The following CNTNAP2 variants were observed in gnomAD, a reference collection of about 807,000 sequenced individuals.
CNTNAP2 encodes the protein contactin associated protein 2, also known as contactin-associated protein-like 2.
In CNTNAP2, 98 loss-of-function variants were observed where a neutral mutation model predicts 155.2. The observed-to-expected ratio is 0.63, with a 90% confidence interval of 0.54 to 0.75. The LOEUF (loss-of-function observed/expected upper bound fraction) is 0.75. Ranked by LOEUF, CNTNAP2 falls within the 30% of genes least tolerant of loss-of-function variation. The pLI is 0.00. For missense variants in CNTNAP2, 1,727 were observed against 1,688.1 expected, an observed-to-expected ratio of 1.02 and a Z score of -0.40; for synonymous variants, 651 against 631.2, an observed-to-expected ratio of 1.03 and a Z score of -0.47.
intron 1 of CNTNAP2, among the ~76,000 whole-genome samples, chr7:146,558,078 T>C (rs1445871243): frequency 1.3e-5 from 2 of 152,166 alleles, no homozygotes. Flanking sequence ...TAGACAGACA[T>C]GACAGTTTTC....
At chr7:148,201,918 T>C (rs1562993075) in intron 18 of CNTNAP2, among the ~76,000 whole-genome samples, 1 of 151,856 alleles carries the variant, frequency 6.6e-6, no homozygotes, top group Non-Finnish European at 1.5e-5. Flanking sequence ...AGTAAACAAA[T>C]TGACGCACAC....
intron 8 of CNTNAP2, among the ~76,000 whole-genome samples, chr7:147,134,727 G>A (rs1801445076): frequency 6.6e-6 from 1 of 151,954 alleles, no homozygotes; most frequent in Non-Finnish European, 1.5e-5. Flanking sequence ...AAATAAGTTA[G>A]TAAAGTGGCA....
intron 18 of CNTNAP2, among the ~76,000 whole-genome samples, chr7:148,194,813 A>T (rs768575106): frequency 6.6e-6 from 1 of 152,282 alleles, no homozygotes. Context: ...CCCTCAATGG[A>T]TTGGATGGTG....
chr7:146,359,882 C>A (rs1229363812), intron 1 of CNTNAP2, among the ~76,000 whole-genome samples: 3 of 152,138 alleles, frequency 2.0e-5, no homozygotes, highest in African/African-American at 7.2e-5. Flanking sequence ...CAAATAAATT[C>A]AGTGACTTTA....
At chr7:146,762,044 T>C (rs2129184130) in intron 1 of CNTNAP2, among the ~76,000 whole-genome samples, 1 of 152,272 alleles carries the variant, frequency 6.6e-6, no homozygotes, top group South Asian at 2.1e-4. Context: ...CCTTACATTG[T>C]TTAAGATAAA....
intron 15 of CNTNAP2, among the ~76,000 whole-genome samples, chr7:148,030,136 A>G (rs1454785037): frequency 6.6e-6 from 1 of 152,184 alleles, no homozygotes; most frequent in Non-Finnish European, 1.5e-5. Context: ...TCCGGCTGCT[A>G]TAGCCCAGTT....
At chr7:148,190,115 T>TGG (rs1326525118) in intron 18 of CNTNAP2, 1 of 152,258 alleles carries the variant, frequency 6.6e-6, no homozygotes, top group Non-Finnish European at 1.5e-5. Flanking sequence ...CAACAGAATG[T>TGG]GGCAGAAATT....
At chr7:146,958,779 T>C (rs1354014361) in intron 3 of CNTNAP2, among the ~76,000 whole-genome samples, 1 of 152,100 alleles carries the variant, frequency 6.6e-6, no homozygotes, top group Non-Finnish European at 1.5e-5. Flanking sequence ...AGCCTCAATA[T>C]ATTGTTGCCT....
At chr7:147,156,095 T>G (rs913943462) in intron 8 of CNTNAP2, among the ~76,000 whole-genome samples, 2 of 152,116 alleles carry the variant, frequency 1.3e-5, no homozygotes, top group African/African-American at 4.8e-5. Flanking sequence ...ACTTGTATCA[T>G]AGAGTGTAAT....
chr7:146,825,307 C>G (rs1803379192), intron 2 of CNTNAP2, among the ~76,000 whole-genome samples: 1 of 152,096 alleles, frequency 6.6e-6, no homozygotes, highest in South Asian at 2.1e-4. Flanking sequence ...GTGTGCCATT[C>G]ACCTTCATAG....
intron 2 of CNTNAP2, among the ~76,000 whole-genome samples, chr7:146,833,570 C>T (rs1280814793): frequency 1.3e-5 from 2 of 152,176 alleles, no homozygotes; most frequent in Admixed American, 1.3e-4. Context: ...CTTTACTCAG[C>T]TCAGATATGC....
At chr7:147,301,135 G>C (rs372470579) in intron 9 of CNTNAP2, among the ~76,000 whole-genome samples, 22 of 152,104 alleles carry the variant, frequency 1.4e-4, no homozygotes, top group African/African-American at 5.1e-4. Flanking sequence ...CCATTTTAAA[G>C]GTGCCTACCA....
intron 13 of CNTNAP2, among the ~76,000 whole-genome samples, chr7:147,899,861 C>T (rs1297107074): frequency 6.6e-6 from 1 of 151,470 alleles, no homozygotes; most frequent in Non-Finnish European, 1.5e-5. Context: ...CTACTGCACT[C>T]CAGCCTGCAC....
intron 11 of CNTNAP2, among the ~76,000 whole-genome samples, chr7:147,506,202 C>T (rs1230771559): frequency 1.3e-5 from 2 of 152,252 alleles, no homozygotes; most frequent in South Asian, 2.1e-4. Flanking sequence ...ATGGAGCCAT[C>T]GTTGGCCAAA....
chr7:147,729,373 C>T (rs951171799), intron 13 of CNTNAP2, among the ~76,000 whole-genome samples: 1 of 151,170 alleles, frequency 6.6e-6, no homozygotes, highest in Non-Finnish European at 1.5e-5. Context: ...ATATCTCTAA[C>T]TTTAAGGGCC....
intron 12 of CNTNAP2, 97 bp from the exon 13 acceptor site, chr7:147,639,009 A>C: frequency 7.9e-7 from 1 of 1,262,576 alleles, no homozygotes; most frequent in Non-Finnish European, 1.2e-6. Flanking sequence ...CCAGCTCAGT[A>C]AAAAGACCAT....
chr7:147,669,959 G>A (rs1795760807), intron 13 of CNTNAP2, among the ~76,000 whole-genome samples: 1 of 152,110 alleles, frequency 6.6e-6, no homozygotes, highest in Non-Finnish European at 1.5e-5. Context: ...TGCTTTCTCT[G>A]TACTCTTCTA....
chr7:148,407,958 A>G (rs1010164224), intron 22 of CNTNAP2, among the ~76,000 whole-genome samples: 4 of 152,216 alleles, frequency 2.6e-5, no homozygotes, highest in African/African-American at 9.7e-5. Context: ...AAGAATATCA[A>G]GTCTGGCCAG....
At chr7:147,732,849 T>C (rs1796767530) in intron 13 of CNTNAP2, among the ~76,000 whole-genome samples, 1 of 152,240 alleles carries the variant, frequency 6.6e-6, no homozygotes, top group Non-Finnish European at 1.5e-5. Context: ...GAAGTGTCTG[T>C]TCATATCCTT....
Sources: allele counts gnomAD v4.1 joint callset (sites outside exome capture counted in the v4.1 genomes callset), GRCh38; gene constraint gnomAD v4.1.1; transcripts MANE v1.5; gene names NCBI Gene and HGNC (gene_info 2026-07-23, HGNC 2026-07-21).